Variants in IL24 observed in about 807,000 individuals in gnomAD.
IL24 encodes the protein interleukin 24, also known as interleukin-24.
IL24 carries 24 observed loss-of-function variants against 27.6 expected under a neutral mutation model. That is an observed-to-expected ratio of 0.87 (90% CI 0.63 to 1.22). IL24 has a LOEUF of 1.22. Ranked by LOEUF, IL24 falls within the 50% of genes most tolerant of loss-of-function variation. The pLI, the probability that IL24 is intolerant of heterozygous loss-of-function variation, is 0.00. For synonymous variants in IL24, 99 were observed against 93.1 expected, an observed-to-expected ratio of 1.06 and a Z score of -0.36; for missense variants, 240 against 237.0, an observed-to-expected ratio of 1.01 and a Z score of -0.08.
chr1:206,899,990 T>C (rs1350394895), intron 3 of IL24, among the ~76,000 whole-genome samples: 1 of 152,178 alleles, frequency 6.6e-6, no homozygotes, highest in South Asian at 2.1e-4. Context: ...CCATCTCAAA[T>C]GACCAGAGGC....
chr1:206,900,457 T>C (rs1274731946), intron 4 of IL24, 100 bp downstream of exon 4: 4 of 1,044,756 alleles, frequency 3.8e-6, no homozygotes, highest in Non-Finnish European at 6.0e-6. Context: ...CCTTCACTTC[T>C]TCCCTGGACT....
chr1:206,901,767 T>C (rs1346385316), intron 5 of IL24, 115 bp downstream of exon 5: 2 of 939,432 alleles, frequency 2.1e-6, no homozygotes, highest in South Asian at 1.6e-5. Flanking sequence ...CAGTTTGTTA[T>C]CTGTAAAATG....
chr1:206,903,416 G>A lies in IL24; in HGVS notation c.*357G>A, dbSNP rs1390431451. 1 of 204,944 alleles carries A rather than the reference G, an allele frequency of 4.9e-6. No homozygotes were observed. Among genetic ancestry groups the A allele is most frequent in the Non-Finnish European group, 1.0e-5 (1 of 99,566 alleles). The allele number at this position is 204,944 out of a possible 1,614,324, so 12.7% of individuals were successfully genotyped here. On this transcript the variant is annotated 3_prime_UTR_variant, in exon 7 of 7. Coordinates refer to ENST00000294984, the MANE Select transcript of IL24 (RefSeq NM_006850.3). ...TTTACCCCTCACAATCCTTGCCACA[G>A]TGTGGGGCAGTGGATGGGTGCTTAG...
intron 4 of IL24, 32 bp from the exon 5 acceptor site, chr1:206,901,462 C>T (rs759364441): frequency 1.3e-6 from 2 of 1,590,822 alleles, no homozygotes; most frequent in African/African-American, 2.7e-5. Flanking sequence ...GGGCAGAGGC[C>T]TTGGCTCAGC....
intron 6 of IL24, 136 bp from the exon 7 acceptor site, chr1:206,902,840 G>A: frequency 6.4e-7 from 1 of 1,551,628 alleles, no homozygotes; most frequent in Admixed American, 1.8e-5. Flanking sequence ...ACAGGCAGGT[G>A]GGTTCATCAG....
In IL24 at chr1:206,903,957, G is replaced by A. The variant is rs1410346526; in HGVS notation, c.*898G>A. 6.6e-6 allele frequency: 1 copy of A among 152,368 alleles called. No individual in the cohort carries two copies. The highest frequency in any genetic ancestry group is 6.5e-5 in the Admixed American group (1 of 15,292). The allele number at this position is 152,368 out of a possible 1,614,324, so 9.4% of individuals were successfully genotyped here. On this transcript the variant is annotated 3_prime_UTR_variant, in exon 7 of 7. Transcript: ENST00000294984. ...AGGCCTTCTTCCCAATAGCAAGGCT[G>A]TGCATCTAGCCTCAAGCTCTGGCTG...
At chr1:206,899,874 C>T (rs1678309002) in intron 3 of IL24, among the ~76,000 whole-genome samples, 1 of 125,552 alleles carries the variant, frequency 8.0e-6, no homozygotes, top group African/African-American at 2.7e-5. Context: ...AGAGGCAGCT[C>T]TAGGGTGCAG....
rs757703371 is a variant in IL24, at chr1:206,899,485, G to C, written c.210G>C (p.Trp70Cys). ...AGGGGGTTGTTCCCCAGAAACTGTGGGAAGCCTTCTGGGCTGTGAAAGACA... is the reference window on the plus strand; with the variant it reads ...AGGGGGTTGTTCCCCAGAAACTGTGCGAAGCCTTCTGGGCTGTGAAAGACA... ...QVKGVVPQKL[W>C]EAFWAVKDTM... is the part of the protein sequence containing the mutation. Residue 70 changes from tryptophan to cysteine, a missense_variant, in exon 3 of 7, where the codon TGG (tryptophan) becomes TGC (cysteine). Trp to Cys is a radical substitution (Grantham distance 215). Coordinates refer to ENST00000294984, the MANE Select transcript of IL24 (RefSeq NM_006850.3). The C allele has an allele frequency of 3.7e-6, 6 of 1,611,816 alleles. No homozygotes were observed. The Admixed American group carries it at 1.0e-4, about 27-fold the overall frequency.
In IL24 at chr1:206,897,783, A is replaced by G; in HGVS notation, c.-50A>G. The G allele has an allele frequency of 6.2e-7, 1 of 1,609,528 alleles. No homozygotes were observed. Among genetic ancestry groups the G allele is most frequent in the South Asian group, 1.1e-5 (1 of 90,364 alleles). On this transcript the variant is annotated 5_prime_UTR_variant, in exon 2 of 7. Transcript: ENST00000294984. ...TGCTTTCGCCAATTTAACACCAAGA[A>G]GAATTGAGGCTGCTTGGGAGGAAGG...
In IL24 at chr1:206,902,082, A is replaced by G. The variant is rs1415411045; in HGVS notation, c.537+10A>G. 6.2e-7 allele frequency: 1 copy of G among 1,613,990 alleles called. No individual in the cohort carries two copies. Among genetic ancestry groups the G allele is most frequent in the Non-Finnish European group, 8.5e-7 (1 of 1,180,010 alleles). ...GAGAGCATTCAAACAGGTAAGGCCA[A>G]GAGCTGAGAGCTTGCCCATCCAGCA... On this transcript the variant is annotated intron_variant, in intron 6 of 6. Transcript: ENST00000294984.
chr1:206,898,012 T>G lies in IL24; in HGVS notation c.44+136T>G, dbSNP rs183501284. On this transcript the variant is annotated intron_variant, in intron 2 of 6. Coordinates refer to ENST00000294984, the MANE Select transcript of IL24 (RefSeq NM_006850.3). ...TACTAAAAATACAAAAAAAAATTAG[T>G]TGGGCATGTGTTTTTGATATTTTCA... The G allele has an allele frequency of 1.7e-4, 88 of 526,332 alleles. No homozygotes were observed. In the East Asian group the frequency reaches 2.8e-3, roughly 16 times the overall value. 32.6% of individuals were successfully genotyped at this position (526,332 alleles called of 1,614,324 possible).
intron 6 of IL24, 48 bp downstream of exon 6, chr1:206,902,120 C>T: frequency 6.2e-7 from 1 of 1,609,508 alleles, no homozygotes; most frequent in Middle Eastern, 1.7e-4. Flanking sequence ...ATAGACTAGT[C>T]TGCACCATCA....
rs764783416 is a variant in IL24 at position 206,903,336 on chromosome 1, T to C, written c.*277T>C. The C allele has an allele frequency of 8.4e-6, 3 of 357,164 alleles. No homozygotes were observed. Among genetic ancestry groups the C allele is most frequent in the Non-Finnish European group, 1.0e-5 (2 of 192,290 alleles). 22.1% of individuals were successfully genotyped at this position (357,164 alleles called of 1,614,324 possible). A position where few individuals can be genotyped will look rare whatever the true frequency, so the allele number is the denominator to read the frequency against. On this transcript the variant is annotated 3_prime_UTR_variant, in exon 7 of 7. Transcript: ENST00000294984. ...TCAGTATTTCAACTGAAGTTCTATT[T>C]ATTTGTGAGACTGTAAGTTACATGA...
At position 206,899,428 on chromosome 1, in the gene IL24, C is replaced by A; in HGVS notation, c.153C>A (p.Gly51=). 1.2e-6 allele frequency: 2 copies of A among 1,614,120 alleles called. No homozygotes were observed. Among genetic ancestry groups the A allele is most frequent in the Non-Finnish European group, 1.7e-6 (2 of 1,179,990 alleles). The change falls in exon 3 of 7, where the codon GGC becomes GGA. Residue 51 remains glycine (G), a synonymous_variant. Transcript: ENST00000294984. ...LLWSQVSGAQ[G]QEFHFGPCQV... is the part of the protein sequence containing the mutation. Reference sequence around the variant, plus strand: ...GGAGCCAGGTATCAGGGGCCCAGGGCCAAGAATTCCACTTTGGGCCCTGCC... The same window carrying A: ...GGAGCCAGGTATCAGGGGCCCAGGGACAAGAATTCCACTTTGGGCCCTGCC...
At chr1:206,900,438 G>C (rs1221336016) in intron 4 of IL24, 81 bp downstream of exon 4, 3 of 1,253,890 alleles carry the variant, frequency 2.4e-6, no homozygotes, top group Non-Finnish European at 3.5e-6. Flanking sequence ...AGGGGAGGTT[G>C]ATGAAAGCCC....
chr1:206,900,999 C>A (rs1028051729), intron 4 of IL24, among the ~76,000 whole-genome samples: 1 of 152,058 alleles, frequency 6.6e-6, no homozygotes, highest in Non-Finnish European at 1.5e-5. Context: ...AGCCCTGAGC[C>A]CTGAAAGATG....
At chr1:206,898,059 T>TG (rs763525462) in intron 2 of IL24, among the ~76,000 whole-genome samples, 183 bp downstream of exon 2, 1 of 151,156 alleles carries the variant, frequency 6.6e-6, no homozygotes, top group African/African-American at 2.4e-5. Context: ...CCCAGCTACT[T>TG]GGGCGACTGA....
In IL24 at chr1:206,899,646, A is replaced by G. The variant is rs565333520; in HGVS notation, c.240+131A>G. 18 of 722,220 alleles carry G rather than the reference A, an allele frequency of 2.5e-5. No individual in the cohort carries two copies. The South Asian group carries it at 4.0e-4, about 16-fold the overall frequency. 44.7% of individuals were successfully genotyped at this position (722,220 alleles called of 1,614,324 possible). ...CTAATCAGTTTCCAGTTTCCCATATAATAACTCTGTGAGGTCAGAAGGCAC... is the reference window on the plus strand; with the variant it reads ...CTAATCAGTTTCCAGTTTCCCATATGATAACTCTGTGAGGTCAGAAGGCAC... On this transcript the variant is annotated intron_variant, in intron 3 of 6. Coordinates refer to ENST00000294984, the MANE Select transcript of IL24 (RefSeq NM_006850.3).
chr1:206,902,758 T>C (rs887708013), intron 6 of IL24: 3 of 985,240 alleles, frequency 3.0e-6, no homozygotes, highest in Admixed American at 6.1e-5. Context: ...TTGTTCTTTG[T>C]CCACTGATAT....
Sources: gnomAD v4.1 joint callset for allele counts (sites outside exome capture counted in the v4.1 genomes callset) on GRCh38, gnomAD v4.1.1 for gene constraint, MANE v1.5 for transcripts, NCBI Gene and HGNC (gene_info 2026-07-23, HGNC 2026-07-21) for gene names.